ABCC12: variants seen among roughly 807,000 people sequenced by gnomAD.
The protein encoded by ABCC12 is ATP binding cassette subfamily C member 12, also known as ATP-binding cassette sub-family C member 12.
In ABCC12, 142 loss-of-function variants were observed where a neutral mutation model predicts 151.1. The observed-to-expected ratio is 0.94, with a 90% CI of 0.82 to 1.08. The LOEUF is 1.08. Among genes scored for constraint, ABCC12 ranks in the 50% least tolerant of loss-of-function variants. The pLI is 0.00. For synonymous variants in ABCC12, 645 were observed against 646.4 expected (o/e 1.00, Z 0.03); for missense variants, 1,638 against 1,691.1 (o/e 0.97, Z 0.55).
Position 48,139,233 on chromosome 16 carries a change from T to A in ABCC12, c.761A>T (p.Tyr254Phe), listed in dbSNP as rs753089778. 1 of 1,614,076 alleles carries A rather than the reference T, an allele frequency of 6.2e-7. No individual in the cohort carries two copies. Among genetic ancestry groups the A allele is most frequent in the Admixed American group, 1.7e-5 (1 of 59,996 alleles). ...TGTGGGCCCCAGAATGAAAAAGGCG[T>A]ACGCCGCACAAAAGACCATTAGGAT... ...IPILMVFCAA[Y>F]AFFILGPTAL... Residue 254 changes from tyrosine to phenylalanine, a missense_variant, in exon 7 of 31, where the codon TAC becomes TTC. Coordinates refer to ENST00000311303, the MANE Select transcript of ABCC12 (RefSeq NM_001393797.1).
chr16:48,084,146 T>C, intron 29 of ABCC12, 73 bp from the exon 30 acceptor site: 1 of 1,413,820 alleles, frequency 7.1e-7, no homozygotes. Flanking sequence ...CTATTTACTT[T>C]AAAAAAAAGA....
intron 25 of ABCC12, 132 bp downstream of exon 25, chr16:48,090,988 G>A: frequency 1.2e-6 from 1 of 846,212 alleles, no homozygotes; most frequent in South Asian, 1.5e-5. Context: ...TGGGATTATA[G>A]GCGTAAGCCA....
Position 48,131,007 on chromosome 16 carries a change from G to T in ABCC12, c.1129-112C>A. 3 of 717,416 alleles carry T rather than the reference G, an allele frequency of 4.2e-6. No homozygotes were observed. The South Asian group carries it at 5.0e-5, about 12-fold the overall frequency. 44.4% of individuals were successfully genotyped at this position (717,416 alleles called of 1,614,324 possible). A position where few individuals can be genotyped will look rare whatever the true frequency, so the allele number is the denominator to read the frequency against. On this transcript the variant is annotated intron_variant, in intron 9 of 30. Coordinates refer to ENST00000311303, the MANE Select transcript of ABCC12 (RefSeq NM_001393797.1). ...GAGATGAGAAATGGTGGCATCGTTG[G>T]AATGTGCAGAGGAACAATCTTTTCA... is the stretch of plus-strand genomic sequence containing the variant.
intron 19 of ABCC12, among the ~76,000 whole-genome samples, chr16:48,108,227 T>G (rs1238831391): frequency 2.0e-5 from 3 of 152,198 alleles, no homozygotes; most frequent in African/African-American, 7.2e-5. Context: ...AAAGAGAGTC[T>G]GGCAGCTTTA....
intron 14 of ABCC12, among the ~76,000 whole-genome samples, chr16:48,116,807 T>TTGGGGTGGCAGGCTCAGCCCAGGA: frequency 1.3e-5 from 2 of 152,176 alleles, no homozygotes; most frequent in East Asian, 3.9e-4. Flanking sequence ...CCTGGGTCTC[T>TTGGGGTGGCAGGCTCAGCCCAGGA]TGGGGTGGCA....
At position 48,104,153 on chromosome 16, in the gene ABCC12, G is replaced by A; in HGVS notation, c.2889C>T (p.Phe963=). ...GCACATGGGCCTACCGTAACAGAAT[G>A]AAGAAGCCTACAGCAAGGCTGGCCA... ...LVVASLAVGF[F]ILLRIFHRGV... is the part of the protein sequence containing the mutation. Residue 963 remains phenylalanine (F), a synonymous_variant, in exon 22 of 31, where the codon TTC becomes TTT. Transcript: ENST00000311303. 1.9e-6 allele frequency: 3 copies of A among 1,613,964 alleles called. No homozygotes were observed. The highest frequency in any genetic ancestry group is 1.7e-6 in the Non-Finnish European group (2 of 1,179,988).
intron 11 of ABCC12, among the ~76,000 whole-genome samples, chr16:48,127,712 G>A (rs955207110): frequency 1.2e-4 from 19 of 152,120 alleles, no homozygotes; most frequent in Non-Finnish European, 2.1e-4. Flanking sequence ...GTAAATAGTA[G>A]TGTTCAAAAT....
chr16:48,110,222 G>A (rs370318528), intron 18 of ABCC12, among the ~76,000 whole-genome samples: 10 of 152,078 alleles, frequency 6.6e-5, no homozygotes, highest in African/African-American at 1.5e-4. Context: ...TCATCGATTC[G>A]AAGGCTCACT....
intron 28 of ABCC12, 47 bp from the exon 29 acceptor site, chr16:48,085,753 T>C (rs764594961): frequency 2.8e-5 from 41 of 1,488,734 alleles, no homozygotes; most frequent in Non-Finnish European, 3.7e-5. Context: ...ATCTATAAAA[T>C]TGTCCTATGC....
chr16:48,144,127 T>A, intron 3 of ABCC12, 62 bp from the exon 4 acceptor site: 2 of 1,547,340 alleles, frequency 1.3e-6, no homozygotes, highest in South Asian at 2.5e-5. Context: ...ACTCTCTCTC[T>A]GGATTGAACT....
At position 48,140,849 on chromosome 16, in the gene ABCC12, C is replaced by T; in HGVS notation, c.495G>A (p.Leu165=). 1.2e-5 allele frequency: 20 copies of T among 1,614,112 alleles called. No homozygotes were observed. The highest frequency in any genetic ancestry group is 1.7e-5 in the Non-Finnish European group (20 of 1,180,016). Residue 165 remains leucine, a synonymous_variant, in exon 6 of 31, where the codon CTG becomes CTA. Transcript: ENST00000311303. Reference sequence around the variant, plus strand: ...ACTCGGTGGCAAAAAGGGCTATGCACAGTCCAATGCCAACCCAGACTTTCC... The same window carrying T: ...ACTCGGTGGCAAAAAGGGCTATGCATAGTCCAATGCCAACCCAGACTTTCC... ...TSGKVWVGIG[L]CIALFATEFT...
rs557801734 is a variant in ABCC12 at position 48,088,366 on chromosome 16, G to T, written c.3475+179C>A. Among the ~76,000 whole-genome samples, 8 of 152,232 alleles carry T rather than the reference G, an allele frequency of 5.3e-5. No individual in the cohort carries two copies. The South Asian group carries it at 1.5e-3, about 28-fold the overall frequency. On this transcript the variant is annotated intron_variant, in intron 26 of 30. Coordinates refer to ENST00000311303, the MANE Select transcript of ABCC12 (RefSeq NM_001393797.1). ...AATTAATTCAAAAACTGATGTGTTT[G>T]CTTCCATCTCTACACACCCATTCAA...
intron 4 of ABCC12, among the ~76,000 whole-genome samples, chr16:48,141,997 G>A (rs1160063998): frequency 6.6e-6 from 1 of 152,220 alleles, no homozygotes; most frequent in African/African-American, 2.4e-5. Flanking sequence ...CAGCCTCCAG[G>A]TGAGAGGTGG....
rs960809455 is a variant in ABCC12 at position 48,138,166 on chromosome 16, A to G, written c.979+62T>C. 4.0e-6 allele frequency: 6 copies of G among 1,493,514 alleles called. No homozygotes were observed. The African/African-American group carries it at 6.9e-5, about 17-fold the overall frequency. The allele number at this position is 1,493,514 out of a possible 1,614,324, so 92.5% of individuals were successfully genotyped here. ...ATGCCTGGCCCTGGGAACCGTAAGA[A>G]CCCCTTAGAAGAGCATATTCTACAA... On this transcript the variant is annotated intron_variant, in intron 8 of 30. Transcript: ENST00000311303.
chr16:48,085,441 AC>A (rs1236123017), intron 29 of ABCC12, 151 bp downstream of exon 29: 1 of 665,492 alleles, frequency 1.5e-6, no homozygotes, highest in Admixed American at 2.9e-5. Flanking sequence ...TTTATCCCTC[AC>A]AACTTTGTCT....
chr16:48,086,002 C>T (rs1425969713), intron 28 of ABCC12, among the ~76,000 whole-genome samples: 1 of 152,110 alleles, frequency 6.6e-6, no homozygotes, highest in East Asian at 1.9e-4. Flanking sequence ...CAAGTGGAAA[C>T]AGCTTTCTGG....
chr16:48,093,692 T>C (rs1962993289), intron 24 of ABCC12, among the ~76,000 whole-genome samples: 1 of 152,120 alleles, frequency 6.6e-6, no homozygotes, highest in Non-Finnish European at 1.5e-5. Flanking sequence ...ATCTGGCAAA[T>C]GAATGAATGA....
intron 9 of ABCC12, among the ~76,000 whole-genome samples, chr16:48,133,290 G>A (rs1291069118): frequency 6.6e-6 from 1 of 152,166 alleles, no homozygotes; most frequent in African/African-American, 2.4e-5. Flanking sequence ...AGAAGGCCAA[G>A]ATAGGTGGAC....
chr16:48,086,617 T>A (rs1962614646), intron 28 of ABCC12, 124 bp downstream of exon 28: 1 of 774,082 alleles, frequency 1.3e-6, no homozygotes. Flanking sequence ...CTGACTTACG[T>A]GGTGTCTACA....
Sources: gnomAD v4.1 joint callset for allele counts (sites outside exome capture counted in the v4.1 genomes callset) on GRCh38, gnomAD v4.1.1 for gene constraint, MANE v1.5 for transcripts, NCBI Gene and HGNC (gene_info 2026-07-23, HGNC 2026-07-21) for gene names.